TENM3: variants seen among roughly 807,000 people sequenced by gnomAD.
TENM3 encodes the protein teneurin-3.
In TENM3, 63 loss-of-function variants were observed where a neutral mutation model predicts 255.1. The ratio of observed to expected loss-of-function variants is 0.25; its 90% CI spans 0.20 to 0.30. The LOEUF (loss-of-function observed/expected upper bound fraction) is 0.30, where lower values mean the gene tolerates loss of function less well. Among genes scored for constraint, TENM3 ranks in the 10% least tolerant of loss-of-function variants. TENM3 has a pLI of 1.00. For missense variants in TENM3, 2,929 were observed against 3,461.1 expected (o/e 0.85, Z 3.86); for synonymous variants, 1,306 against 1,322.3 (o/e 0.99, Z 0.27).
intron 3 of TENM3, among the ~76,000 whole-genome samples, chr4:182,416,765 C>T (rs6814927): frequency 0.59 from 88,889 of 151,930 alleles, 26,408 homozygotes; most frequent in South Asian, 0.69. Flanking sequence ...AAAACATGCT[C>T]TTTCCTGTTA....
the TENM3 span, among the ~76,000 whole-genome samples, chr4:181,538,476 T>C: frequency 1.3e-5 from 2 of 149,390 alleles, no homozygotes; most frequent in African/African-American, 2.5e-5. Flanking sequence ...GGGGGCGTGG[T>C]GGTTAATGGA....
At chr4:182,436,347 T>C (rs749087780) in intron 3 of TENM3, among the ~76,000 whole-genome samples, 2 of 152,224 alleles carry the variant, frequency 1.3e-5, no homozygotes, top group African/African-American at 2.4e-5. Flanking sequence ...ACTGCAGCTT[T>C]GTCTGTCTTC....
chr4:182,486,935 A>G, intron 3 of TENM3, among the ~76,000 whole-genome samples: 1 of 152,188 alleles, frequency 6.6e-6, no homozygotes, highest in East Asian at 1.9e-4. Flanking sequence ...GTTCCTGGCA[A>G]AAGAAACGGA....
chr4:181,696,897 A>G, the TENM3 span, among the ~76,000 whole-genome samples: 1 of 152,186 alleles, frequency 6.6e-6, no homozygotes, highest in African/African-American at 2.4e-5. Flanking sequence ...GCGTCAGAGC[A>G]CGGGGTCCTG....
At chr4:182,278,837 A>G (rs368003479) in intron 1 of TENM3, among the ~76,000 whole-genome samples, 2 of 152,170 alleles carry the variant, frequency 1.3e-5, no homozygotes, top group East Asian at 3.9e-4. Flanking sequence ...GTTTGGGGAT[A>G]ACAAGAGATT....
the TENM3 span, among the ~76,000 whole-genome samples, chr4:181,790,329 C>T: frequency 6.6e-6 from 1 of 152,146 alleles, no homozygotes; most frequent in African/African-American, 2.4e-5. Context: ...TCTCCAATCA[C>T]ACAAAAACAA....
chr4:181,581,602 A>C, the TENM3 span, among the ~76,000 whole-genome samples: 1 of 152,142 alleles, frequency 6.6e-6, no homozygotes, highest in Non-Finnish European at 1.5e-5. Flanking sequence ...ATACCATTGC[A>C]TTTATTAAAA....
chr4:182,569,447 G>A (rs566553813), intron 3 of TENM3, among the ~76,000 whole-genome samples: 8 of 151,910 alleles, frequency 5.3e-5, no homozygotes, highest in Non-Finnish European at 8.8e-5. Context: ...CCAGCTACTC[G>A]GGAGGCTGAG....
At chr4:181,657,788 C>A in the TENM3 span, among the ~76,000 whole-genome samples, 6 of 122,246 alleles carry the variant, frequency 4.9e-5, no homozygotes, top group South Asian at 1.9e-3. Context: ...TCATGGAATA[C>A]TATGCAACTA....
chr4:182,265,239 A>C (rs1045206823), intron 1 of TENM3, among the ~76,000 whole-genome samples: 1 of 152,116 alleles, frequency 6.6e-6, no homozygotes, highest in Non-Finnish European at 1.5e-5. Flanking sequence ...GTGTATAATA[A>C]CTAGGTAGGA....
At chr4:182,092,306 G>A in the TENM3 span, among the ~76,000 whole-genome samples, 1 of 152,040 alleles carries the variant, frequency 6.6e-6, no homozygotes, top group Non-Finnish European at 1.5e-5. Context: ...CTACACTCTA[G>A]CCTGGGCAAC....
At chr4:182,089,543 A>C in the TENM3 span, among the ~76,000 whole-genome samples, 1 of 152,196 alleles carries the variant, frequency 6.6e-6, no homozygotes, top group South Asian at 2.1e-4. Context: ...AATTAACAAG[A>C]GGCTAATACC....
At chr4:181,605,550 GAAAGAAAGAA>G in the TENM3 span, among the ~76,000 whole-genome samples, 22 of 28,574 alleles carry the variant, frequency 7.7e-4, 3 homozygotes, top group Admixed American at 1.4e-3. Context: ...AAGAAAGAAA[GAAAGAAAGAA>G]AGAAAGAAAG....
chr4:182,238,063 T>G (rs2150049089), intron 1 of TENM3, among the ~76,000 whole-genome samples: 1 of 152,320 alleles, frequency 6.6e-6, no homozygotes, highest in African/African-American at 2.4e-5. Context: ...TTGACAGTGT[T>G]ACTTTTAAAT....
chr4:181,927,879 G>T, the TENM3 span, among the ~76,000 whole-genome samples: 1 of 152,184 alleles, frequency 6.6e-6, no homozygotes, highest in Non-Finnish European at 1.5e-5. Flanking sequence ...TGATACCCAG[G>T]CAAACAAGGT....
At chr4:181,622,965 G>A in the TENM3 span, among the ~76,000 whole-genome samples, 23,238 of 152,014 alleles carry the variant, frequency 0.15, 2,460 homozygotes, top group Non-Finnish European at 0.23. Context: ...TTACCCTTCC[G>A]GTGGCATTAC....
intron 3 of TENM3, among the ~76,000 whole-genome samples, chr4:182,363,341 A>G (rs1766168268): frequency 6.6e-6 from 1 of 151,986 alleles, no homozygotes; most frequent in African/African-American, 2.4e-5. Context: ...ATATTCATAT[A>G]TGTGTGTATG....
chr4:181,536,971 T>C, the TENM3 span, among the ~76,000 whole-genome samples: 7 of 152,216 alleles, frequency 4.6e-5, no homozygotes, highest in Non-Finnish European at 7.3e-5. Flanking sequence ...TTCATCAGCT[T>C]ATTAACTTCA....
intron 3 of TENM3, among the ~76,000 whole-genome samples, chr4:182,382,309 G>C (rs1267291681): frequency 6.6e-6 from 1 of 151,598 alleles, no homozygotes; most frequent in Non-Finnish European, 1.5e-5. Context: ...CATTAAACTA[G>C]ATGGCTGATT....
Sources: allele counts gnomAD v4.1 joint callset (sites outside exome capture counted in the v4.1 genomes callset), GRCh38; gene constraint gnomAD v4.1.1; transcripts MANE v1.5; gene names NCBI Gene and HGNC (gene_info 2026-07-23, HGNC 2026-07-21).